The following LCT variants were observed in gnomAD, a reference collection of about 807,000 sequenced individuals.
LCT encodes lactase/phlorizin hydrolase.
Under a neutral mutation model 173.0 loss-of-function variants are expected in LCT, and 90 were observed. The ratio of observed to expected loss-of-function variants is 0.52; its 90% CI spans 0.44 to 0.62. The LOEUF is 0.62. LCT is among the 20% of genes least tolerant of loss of function. LCT has a pLI of 0.00. For synonymous variants in LCT, 853 were observed against 957.6 expected (o/e 0.89, Z 2.02); for missense variants, 1,864 against 2,431.4 (o/e 0.77, Z 4.91).
chr2:135,824,272 G>A (rs565063961), intron 3 of LCT, among the ~76,000 whole-genome samples: 11 of 152,258 alleles, frequency 7.2e-5, no homozygotes, highest in Admixed American at 3.9e-4. Flanking sequence ...AGCCAGGCAC[G>A]GTGTTAGGAT....
intron 2 of LCT, among the ~76,000 whole-genome samples, chr2:135,830,079 G>A (rs2077922540): frequency 6.6e-6 from 1 of 152,136 alleles, no homozygotes; most frequent in Non-Finnish European, 1.5e-5. Flanking sequence ...GGGTGGTGGA[G>A]CCTTCAGCCA....
rs182878065 is a variant in LCT at position 135,811,209 on chromosome 2, T to A, written c.2353+1102A>T. 3.6e-3 allele frequency among the ~76,000 whole-genome samples: 550 copies of A among 151,838 alleles called. 5 individuals carry two copies. Among genetic ancestry groups the A allele is most frequent in the African/African-American group, 0.012 (517 of 41,402 alleles). The stretch of plus-strand genomic sequence containing the variant: ...AGACCCTGTCTAAAAAAATTAAAAT[T>A]AAAATAAATAAATAAATAAAGCCTA... On this transcript the variant is annotated intron_variant, in intron 7 of 16. Coordinates refer to ENST00000264162, the MANE Select transcript of LCT (RefSeq NM_002299.4).
At chr2:135,832,077 G>A (rs1176615658) in intron 2 of LCT, among the ~76,000 whole-genome samples, 1 of 151,984 alleles carries the variant, frequency 6.6e-6, no homozygotes, top group African/African-American at 2.4e-5. Context: ...TTAGCCGGGC[G>A]TGGTGGTGCA....
At chr2:135,826,368 C>T (rs1383141381) in intron 3 of LCT, among the ~76,000 whole-genome samples, 2 of 148,164 alleles carry the variant, frequency 1.3e-5, no homozygotes, top group South Asian at 4.3e-4. Flanking sequence ...ACCAGCCTAG[C>T]CAACATGGTG....
At chr2:135,814,448 A>G (rs748802033) in intron 6 of LCT, among the ~76,000 whole-genome samples, 3 of 152,154 alleles carry the variant, frequency 2.0e-5, no homozygotes, top group Non-Finnish European at 2.9e-5. Context: ...CAACAATCTG[A>G]GGTGCCCTGT....
intron 11 of LCT, among the ~76,000 whole-genome samples, chr2:135,801,326 A>T (rs1422135958): frequency 3.3e-5 from 5 of 152,218 alleles, no homozygotes; most frequent in Non-Finnish European, 7.3e-5. Flanking sequence ...CAAACTAGAG[A>T]GACTAAAGAG....
intron 13 of LCT, 114 bp from the exon 14 acceptor site, chr2:135,794,889 G>A: frequency 8.3e-7 from 1 of 1,200,752 alleles, no homozygotes; most frequent in Admixed American, 1.7e-5. Flanking sequence ...TTGGCAGTGA[G>A]TAGGGGAAAC....
chr2:135,822,297 T>C, intron 4 of LCT, 199 bp from the exon 5 acceptor site: 1 of 566,264 alleles, frequency 1.8e-6, no homozygotes, highest in Non-Finnish European at 3.2e-6. Context: ...AAAGTGGTTC[T>C]CAAACTTCAA....
At position 135,790,718 on chromosome 2, in the gene LCT, C is replaced by T. The variant is rs760290819; in HGVS notation, c.5275G>A (p.Asp1759Asn). ...ENGVSQREET[D>N]LNDTARIYYL... ...TAGATCCTTGCAGTGTCATTGAGGT[C>T]TGTTTCTTCCCGCTGGGACACTCCA... Residue 1759 changes from aspartate (D) to asparagine (N), a missense_variant, in exon 15 of 17, where the codon GAC becomes AAC. This residue lies in a region of LCT where 514 missense variants were observed against 750.1 expected (regional missense o/e 0.69). Coordinates refer to ENST00000264162, the MANE Select transcript of LCT (RefSeq NM_002299.4). This position sits in a 1 kb window ranked among gnomAD's most constrained non-coding sequence, Gnocchi z 4.1. 18 of 1,613,684 alleles carry T rather than the reference C, an allele frequency of 1.1e-5. No homozygotes were observed. Among genetic ancestry groups the T allele is most frequent in the Non-Finnish European group, 1.5e-5 (18 of 1,179,954 alleles).
At chr2:135,825,823 C>T (rs536541906) in intron 3 of LCT, among the ~76,000 whole-genome samples, 1 of 152,322 alleles carries the variant, frequency 6.6e-6, no homozygotes, top group East Asian at 1.9e-4. Context: ...TCGCCCTCTT[C>T]CCTCGCAGCC....
At chr2:135,792,004 A>C (rs1559548121) in intron 14 of LCT, among the ~76,000 whole-genome samples, 2 of 152,224 alleles carry the variant, frequency 1.3e-5, no homozygotes, top group South Asian at 4.1e-4. Flanking sequence ...AAAAGAATTC[A>C]CAGACCTTTG....
At chr2:135,792,746 G>A (rs1044163476) in intron 14 of LCT, among the ~76,000 whole-genome samples, 4 of 152,172 alleles carry the variant, frequency 2.6e-5, no homozygotes, top group South Asian at 2.1e-4. Flanking sequence ...AGCCTCACCC[G>A]AGGAGAGTCT....
chr2:135,794,893 G>A, intron 13 of LCT, 118 bp from the exon 14 acceptor site: 1 of 1,148,672 alleles, frequency 8.7e-7, no homozygotes, highest in Non-Finnish European at 1.3e-6. Flanking sequence ...CAGTGAGTAG[G>A]GGAAACTGGC....
intron 1 of LCT, among the ~76,000 whole-genome samples, chr2:135,833,687 C>A (rs182275233): frequency 9.6e-4 from 146 of 151,738 alleles, no homozygotes; most frequent in African/African-American, 3.5e-3. Context: ...ACCTCATGAT[C>A]TGCCCGCCTT....
At position 135,809,487 on chromosome 2, in the gene LCT, C is replaced by G; in HGVS notation, c.2860G>C (p.Asp954His). ...TCGGCATCCAGCTGGTGATAGCTGT[C>G]ACAGGCGATGTCTCCAGTGGCATTG... ...KDNATGDIAC[D>H]SYHQLDADLN... Residue 954 changes from aspartate to histidine, a missense_variant, in exon 8 of 17, where the codon GAC becomes CAC. Asp to His is a moderately conservative substitution (Grantham distance 81, BLOSUM62 -1). Around this residue, in one of 4 missense-constraint regions of LCT, gnomAD observed 755 missense variants for 926.3 expected, o/e 0.82. Coordinates refer to ENST00000264162, the MANE Select transcript of LCT (RefSeq NM_002299.4). The surrounding 1 kb of genome is among the most constrained non-coding windows in gnomAD (Gnocchi z 5.5). 1 of 1,614,260 alleles carries G rather than the reference C, an allele frequency of 6.2e-7. No homozygotes were observed. The highest frequency in any genetic ancestry group is 2.2e-5 in the East Asian group (1 of 44,884).
chr2:135,818,606 G>A (rs1295194769), intron 5 of LCT, among the ~76,000 whole-genome samples: 1 of 152,176 alleles, frequency 6.6e-6, no homozygotes, highest in African/African-American at 2.4e-5. Flanking sequence ...TTGGGAGGCC[G>A]AGGCAGGTGG....
chr2:135,796,418 C>G (rs910830598), intron 13 of LCT, among the ~76,000 whole-genome samples: 1 of 152,244 alleles, frequency 6.6e-6, no homozygotes, highest in African/African-American at 2.4e-5. Context: ...GCTTGGCTTC[C>G]AGGCCCTCCA....
rs533265901 is a variant in LCT at position 135,821,684 on chromosome 2, T to G, written c.986+336A>C. ...TTGTAATTTTTTGTAGAGACAGAGT[T>G]TCACCATGTTGCCCAGCCCAGTCTT... On this transcript the variant is annotated intron_variant, in intron 5 of 16. Transcript: ENST00000264162. 5.0e-5 allele frequency: 16 copies of G among 319,520 alleles called. No homozygotes were observed. The East Asian group carries it at 1.2e-3, about 24-fold the overall frequency. The allele number at this position is 319,520 out of a possible 1,614,324, so 19.8% of individuals were successfully genotyped here. A position where few individuals can be genotyped will look rare whatever the true frequency, so the allele number is the denominator to read the frequency against.
chr2:135,794,278 C>A, intron 14 of LCT: 1 of 202,302 alleles, frequency 4.9e-6, no homozygotes, highest in Non-Finnish European at 1.0e-5. Flanking sequence ...AATATTAAAG[C>A]GAATTTTGAT....
Sources: gnomAD v4.1 joint callset for allele counts (sites outside exome capture counted in the v4.1 genomes callset) on GRCh38, gnomAD v4.1.1 for gene constraint, gnomAD v4.1.1 regional missense constraint, Gnocchi (gnomAD v3.1) non-coding constraint, MANE v1.5 for transcripts, NCBI Gene and HGNC (gene_info 2026-07-23, HGNC 2026-07-21) for gene names.